The following CPA6 variants were observed in gnomAD, a reference collection of about 807,000 sequenced individuals.
The protein encoded by CPA6 is carboxypeptidase B.
In CPA6, 58 loss-of-function variants were observed where a neutral mutation model predicts 63.3. The ratio of observed to expected loss-of-function variants is 0.92; its 90% CI spans 0.74 to 1.14. The LOEUF is 1.14. Ranked by LOEUF, CPA6 falls within the 50% of genes most tolerant of loss-of-function variation. CPA6 has a pLI of 0.00. For synonymous variants in CPA6, 185 were observed against 179.0 expected (o/e 1.03, Z -0.27); for missense variants, 565 against 526.6 (o/e 1.07, Z -0.71).
intron 6 of CPA6, among the ~76,000 whole-genome samples, chr8:67,488,529 A>T (rs1470690058): frequency 2.6e-5 from 4 of 152,138 alleles, no homozygotes; most frequent in Non-Finnish European, 2.9e-5. Context: ...TTGTCTTGGC[A>T]ACGTGGGCTC....
intron 2 of CPA6, among the ~76,000 whole-genome samples, chr8:67,540,854 C>T (rs572167671): frequency 2.0e-4 from 31 of 152,306 alleles, no homozygotes; most frequent in African/African-American, 7.0e-4. Flanking sequence ...GCCCCTCCCC[C>T]GACCAAGCTC....
intron 8 of CPA6, among the ~76,000 whole-genome samples, chr8:67,440,435 G>A (rs774412583): frequency 2.6e-5 from 4 of 152,062 alleles, no homozygotes; most frequent in African/African-American, 7.2e-5. Flanking sequence ...GCAGGGCGTG[G>A]TGACACACAC....
At chr8:67,653,381 A>G (rs1382889139) in intron 1 of CPA6, among the ~76,000 whole-genome samples, 1 of 152,052 alleles carries the variant, frequency 6.6e-6, no homozygotes, top group Admixed American at 6.6e-5. Context: ...CGAGCATGGA[A>G]TGTTCTTCCA....
rs369961465 is a variant in CPA6, at chr8:67,639,129, T to C, written c.117-14878A>G. Among the ~76,000 whole-genome samples the C allele has an allele frequency of 3.4e-4, 52 of 151,608 alleles. No individual in the cohort carries two copies. In the East Asian group the frequency reaches 7.5e-3, roughly 22 times the overall value. The stretch of plus-strand genomic sequence containing the variant: ...GCCTACCGCTGTTGAAATTGTCAGA[T>C]AGTGCAGGGGTTGGAAAGTTTTTCT... On this transcript the variant is annotated intron_variant, in intron 1 of 10. Coordinates refer to ENST00000297770, the MANE Select transcript of CPA6 (RefSeq NM_020361.5).
intron 6 of CPA6, among the ~76,000 whole-genome samples, chr8:67,503,061 T>G (rs574690953): frequency 6.6e-6 from 1 of 152,138 alleles, no homozygotes; most frequent in African/African-American, 2.4e-5. Context: ...ATTTTTGAGA[T>G]GGAGTCTCGC....
Position 67,575,995 on chromosome 8 carries a change from A to C in CPA6, c.192+48181T>G, listed in dbSNP as rs985357595. On this transcript the variant is annotated intron_variant, in intron 2 of 10. Coordinates refer to ENST00000297770, the MANE Select transcript of CPA6 (RefSeq NM_020361.5). ...TTTGGTATTGAAAACAATTGAATTC[A>C]TGGGAACTGAGAGTAGAATGGTGGT... is the stretch of plus-strand genomic sequence containing the variant. 4.6e-5 allele frequency among the ~76,000 whole-genome samples: 7 copies of C among 152,336 alleles called. No individual in the cohort carries two copies. In the East Asian group the frequency reaches 1.3e-3, roughly 29 times the overall value.
intron 2 of CPA6, among the ~76,000 whole-genome samples, chr8:67,571,094 A>C (rs1813475196): frequency 6.6e-6 from 1 of 152,224 alleles, no homozygotes; most frequent in South Asian, 2.1e-4. Context: ...AAAATTATAC[A>C]AACAGAGAAA....
chr8:67,461,476 C>G (rs1460903653), intron 8 of CPA6, among the ~76,000 whole-genome samples: 3 of 151,784 alleles, frequency 2.0e-5, no homozygotes, highest in South Asian at 2.1e-4. Context: ...TACACAGACA[C>G]GGCAACCATC....
At chr8:67,658,117 C>T (rs1401330065) in intron 1 of CPA6, among the ~76,000 whole-genome samples, 2 of 152,172 alleles carry the variant, frequency 1.3e-5, no homozygotes, top group Non-Finnish European at 2.9e-5. Context: ...CTCTTCCCTA[C>T]CTTACTGGTC....
At chr8:67,518,467 AT>A (rs1812193798) in intron 2 of CPA6, among the ~76,000 whole-genome samples, 1 of 149,264 alleles carries the variant, frequency 6.7e-6, no homozygotes, top group Admixed American at 6.6e-5. Flanking sequence ...CAAATGGAAC[AT>A]TCTCTCATTC....
intron 1 of CPA6, among the ~76,000 whole-genome samples, 165 bp from the exon 2 acceptor site, chr8:67,624,416 G>C (rs976068749): frequency 6.6e-6 from 1 of 152,176 alleles, no homozygotes; most frequent in Non-Finnish European, 1.5e-5. Context: ...TGATTGCATT[G>C]TTCTTTTCTT....
At chr8:67,700,642 A>C (rs1252587819) in intron 1 of CPA6, among the ~76,000 whole-genome samples, 2 of 152,216 alleles carry the variant, frequency 1.3e-5, no homozygotes, top group Non-Finnish European at 2.9e-5. Context: ...ATCTGTCTTC[A>C]TCTTTCCTTC....
intron 6 of CPA6, among the ~76,000 whole-genome samples, chr8:67,494,767 C>T (rs916775543): frequency 3.9e-5 from 6 of 152,196 alleles, no homozygotes; most frequent in Admixed American, 1.3e-4. Context: ...TGTACTTCTA[C>T]GATCTTCCAT....
intron 6 of CPA6, among the ~76,000 whole-genome samples, chr8:67,505,963 T>G (rs922339415): frequency 6.6e-6 from 1 of 152,146 alleles, no homozygotes; most frequent in African/African-American, 2.4e-5. Flanking sequence ...CTAAGACCCT[T>G]CATATCCTTC....
chr8:67,587,504 G>C (rs879925957), intron 2 of CPA6, among the ~76,000 whole-genome samples: 17 of 151,916 alleles, frequency 1.1e-4, no homozygotes, highest in African/African-American at 2.7e-4. Context: ...ATGTAAGGTG[G>C]CCTTTTTTTT....
At chr8:67,596,782 C>T (rs1814348892) in intron 2 of CPA6, among the ~76,000 whole-genome samples, 1 of 152,150 alleles carries the variant, frequency 6.6e-6, no homozygotes, top group Non-Finnish European at 1.5e-5. Context: ...TCTCTTTGGT[C>T]TCCTTTAATT....
Position 67,518,027 on chromosome 8 carries a change from G to A in CPA6, c.213C>T (p.Ser71=). 1 of 1,602,550 alleles carries A rather than the reference G, an allele frequency of 6.2e-7. No homozygotes were observed. The highest frequency in any genetic ancestry group is 8.5e-7 in the Non-Finnish European group (1 of 1,175,768). ...YQLKVDLWQP[S]SISYVSEGTV... ...TTCCCTCTGATACATAGGAGATACT[G>A]CTGGGCTGCCACAGGTCCACCTGTA... The change falls in exon 3 of 11, where the codon AGC becomes AGT. Residue 71 remains serine, a synonymous_variant. Coordinates refer to ENST00000297770, the MANE Select transcript of CPA6 (RefSeq NM_020361.5).
At chr8:67,713,588 A>G (rs1817318387) in intron 1 of CPA6, among the ~76,000 whole-genome samples, 1 of 152,152 alleles carries the variant, frequency 6.6e-6, no homozygotes, top group African/African-American at 2.4e-5. Context: ...GAATACACAC[A>G]TTTTGTGTAA....
At chr8:67,563,867 C>G (rs1813273510) in intron 2 of CPA6, among the ~76,000 whole-genome samples, 2 of 152,296 alleles carry the variant, frequency 1.3e-5, no homozygotes, top group Middle Eastern at 3.4e-3. Context: ...TATTTATCCA[C>G]CTTCCCTCAC....
Sources: gnomAD v4.1 joint callset for allele counts (sites outside exome capture counted in the v4.1 genomes callset) on GRCh38, gnomAD v4.1.1 for gene constraint, MANE v1.5 for transcripts, NCBI Gene and HGNC (gene_info 2026-07-23, HGNC 2026-07-21) for gene names.